Variants in TXNRD2 observed in about 807,000 individuals in gnomAD.
The protein encoded by TXNRD2 is thioredoxin reductase 2, mitochondrial.
TXNRD2 carries 67 observed loss-of-function variants against 70.8 expected under a neutral mutation model. The ratio of observed to expected loss-of-function variants is 0.95; its 90% CI spans 0.78 to 1.16. The LOEUF is 1.16. TXNRD2 is among the 50% of genes most tolerant of loss of function. The pLI is 0.00. For missense variants in TXNRD2, 644 were observed against 719.9 expected, an observed-to-expected ratio of 0.89 and a Z score of 1.21; for synonymous variants, 301 against 295.8, an observed-to-expected ratio of 1.02 and a Z score of -0.18.
intron 2 of TXNRD2, 71 bp downstream of exon 2, chr22:19,930,959 T>C (rs540061699): frequency 5.5e-6 from 8 of 1,452,018 alleles, no homozygotes; most frequent in Admixed American, 5.0e-5. Flanking sequence ...GGACGTTTTC[T>C]GGACAGCACC....
At chr22:19,892,753 C>T (rs1371224453) in intron 11 of TXNRD2, among the ~76,000 whole-genome samples, 1 of 152,266 alleles carries the variant, frequency 6.6e-6, no homozygotes, top group East Asian at 1.9e-4. Context: ...GAGGGAGAAA[C>T]TCGCCACCTC....
chr22:19,909,860 C>T (rs1224135347), intron 8 of TXNRD2, among the ~76,000 whole-genome samples: 13 of 119,154 alleles, frequency 1.1e-4, no homozygotes, highest in African/African-American at 4.3e-4. Flanking sequence ...ACACACACAC[C>T]ACACACACAC....
intron 7 of TXNRD2, chr22:19,914,888 A>G: frequency 2.6e-6 from 1 of 389,764 alleles, no homozygotes; most frequent in Non-Finnish European, 4.9e-6. Flanking sequence ...ATGTTCCAAC[A>G]TTCTGAGGCT....
chr22:19,885,264 A>C (rs745544939), intron 11 of TXNRD2, among the ~76,000 whole-genome samples: 20 of 152,206 alleles, frequency 1.3e-4, no homozygotes, highest in Non-Finnish European at 2.9e-4. Context: ...CCAATGGCGA[A>C]GGCAATTTTG....
chr22:19,931,859 T>C (rs1354156775), intron 1 of TXNRD2, among the ~76,000 whole-genome samples: 1 of 151,924 alleles, frequency 6.6e-6, no homozygotes, highest in East Asian at 1.9e-4. Flanking sequence ...CCGTCACAAG[T>C]GAGCAAGAAT....
At chr22:19,922,810 C>T (rs1024570462) in intron 2 of TXNRD2, among the ~76,000 whole-genome samples, 5 of 152,154 alleles carry the variant, frequency 3.3e-5, no homozygotes, top group Non-Finnish European at 5.9e-5. Flanking sequence ...CCTAAGCCTC[C>T]TGAATAGCTG....
At chr22:19,896,334 C>A (rs1858769) in intron 10 of TXNRD2, among the ~76,000 whole-genome samples, 119,267 of 142,228 alleles carry the variant, frequency 0.84, 48,196 homozygotes, top group East Asian at 0.98. Flanking sequence ...AGAAAAACAA[C>A]CAAATCCTGG....
At chr22:19,900,129 G>A (rs1486197245) in intron 8 of TXNRD2, among the ~76,000 whole-genome samples, 5 of 152,224 alleles carry the variant, frequency 3.3e-5, no homozygotes, top group South Asian at 2.1e-4. Flanking sequence ...GGACAGAACC[G>A]CACCACTGTC....
At chr22:19,901,193 C>T (rs1266614533) in intron 8 of TXNRD2, among the ~76,000 whole-genome samples, 2 of 152,240 alleles carry the variant, frequency 1.3e-5, no homozygotes, top group African/African-American at 4.8e-5. Context: ...CCCACCAGGC[C>T]TGGATTGGAG....
chr22:19,911,587 C>G (rs576545786), intron 7 of TXNRD2, 140 bp from the exon 8 acceptor site: 10 of 728,234 alleles, frequency 1.4e-5, no homozygotes, highest in Admixed American at 8.1e-5. Context: ...GCTGCCAGTC[C>G]TTGTCTGCAG....
At chr22:19,920,928 C>T (rs903390901) in intron 2 of TXNRD2, among the ~76,000 whole-genome samples, 5 of 152,124 alleles carry the variant, frequency 3.3e-5, no homozygotes, top group South Asian at 2.1e-4. Flanking sequence ...CGGTGAAACC[C>T]TGTCTCTACT....
intron 8 of TXNRD2, 57 bp from the exon 9 acceptor site, chr22:19,899,125 G>A: frequency 2.5e-6 from 4 of 1,602,488 alleles, no homozygotes; most frequent in Middle Eastern, 1.6e-4. Flanking sequence ...TTGACCAAGT[G>A]CAGTCAGAGC....
chr22:19,892,989 G>A (rs1199440753), intron 11 of TXNRD2, among the ~76,000 whole-genome samples: 4 of 152,210 alleles, frequency 2.6e-5, no homozygotes, highest in South Asian at 4.1e-4. Context: ...AGCCCTGCGT[G>A]CGCTCAGGCA....
In TXNRD2 at chr22:19,894,677, C is replaced by T. The variant is rs115805443; in HGVS notation, c.949+730G>A. ...AGCTGGAAAGCCTGAAGCAGCAAAA[C>T]ATTTAATATGCTAAAGAAAAAATAC... On this transcript the variant is annotated intron_variant, in intron 11 of 17. Coordinates refer to ENST00000400521, the MANE Select transcript of TXNRD2 (RefSeq NM_006440.5). 1,418 of 188,414 alleles carry T rather than the reference C, an allele frequency of 7.5e-3. 27 individuals carry two copies. Among genetic ancestry groups the T allele is most frequent in the African/African-American group, 0.032 (1,331 of 41,640 alleles). The allele number at this position is 188,414 out of a possible 1,614,324, so 11.7% of individuals were successfully genotyped here.
chr22:19,877,805 G>A (rs1938576052), intron 16 of TXNRD2, among the ~76,000 whole-genome samples: 1 of 152,230 alleles, frequency 6.6e-6, no homozygotes, highest in African/African-American at 2.4e-5. Flanking sequence ...TGCTCATGGT[G>A]GCGTGGTGCT....
intron 8 of TXNRD2, among the ~76,000 whole-genome samples, chr22:19,899,909 C>T (rs534776217): frequency 2.6e-5 from 4 of 152,196 alleles, no homozygotes; most frequent in East Asian, 3.8e-4. Flanking sequence ...GAACTCCCAG[C>T]GGGGCAGCTG....
chr22:19,930,907 C>T, intron 2 of TXNRD2, 123 bp downstream of exon 2: 2 of 852,280 alleles, frequency 2.3e-6, no homozygotes, highest in Non-Finnish European at 4.0e-6. Context: ...ACACAGAGGC[C>T]ACTGGGGTGA....
chr22:19,908,126 C>T (rs1433803065), intron 8 of TXNRD2, among the ~76,000 whole-genome samples: 9 of 118,562 alleles, frequency 7.6e-5, no homozygotes, highest in South Asian at 3.7e-4. Flanking sequence ...GTGGGTGCAC[C>T]GTGGGTAGCA....
chr22:19,896,975 C>T (rs1235374428), intron 10 of TXNRD2, among the ~76,000 whole-genome samples: 1 of 152,194 alleles, frequency 6.6e-6, no homozygotes. Context: ...GCCTGGCTGC[C>T]TAGACTGTGC....
Sources: allele counts gnomAD v4.1 joint callset (sites outside exome capture counted in the v4.1 genomes callset), GRCh38; gene constraint gnomAD v4.1.1; transcripts MANE v1.5; gene names NCBI Gene and HGNC (gene_info 2026-07-23, HGNC 2026-07-21).